Variants in ALDH3A1 observed in about 807,000 individuals in gnomAD.
ALDH3A1 encodes aldehyde dehydrogenase 3 family member A1.
In ALDH3A1, 46 loss-of-function variants were observed where a neutral mutation model predicts 49.9. The observed-to-expected ratio is 0.92, with a 90% confidence interval of 0.73 to 1.18. ALDH3A1 has a LOEUF of 1.18. Among genes scored for constraint, ALDH3A1 ranks in the 50% most tolerant of loss-of-function variants. The pLI, the probability that ALDH3A1 is intolerant of heterozygous loss-of-function variation, is 0.00. For missense variants in ALDH3A1, 592 were observed against 611.8 expected (o/e 0.97, Z 0.34); for synonymous variants, 269 against 253.3 (o/e 1.06, Z -0.59).
rs79994225 is a variant in ALDH3A1, at chr17:19,743,689, C to T, written c.163-226G>A. 6 of 985,096 alleles carry T rather than the reference C, an allele frequency of 6.1e-6. No homozygotes were observed. The highest frequency in any genetic ancestry group is 4.7e-5 in the South Asian group (1 of 21,268). 61.0% of individuals were successfully genotyped at this position (985,096 alleles called of 1,614,324 possible). A position where few individuals can be genotyped will look rare whatever the true frequency, so the allele number is the denominator to read the frequency against. On this transcript the variant is annotated intron_variant, in intron 2 of 10. Transcript: ENST00000225740. The surrounding 1 kb of genome is among the most constrained non-coding windows in gnomAD (Gnocchi z 4.4). ...CCAGAGGGGGGCCCAGGTAGGTTTG[C>T]GGCCCCAGGGGAGAGAGCCGGTGAA...
Position 19,743,137 on chromosome 17 carries a change from C to T in ALDH3A1, c.394+95G>A, listed in dbSNP as rs765049018. The T allele has an allele frequency of 1.9e-6, 3 of 1,558,758 alleles. No individual in the cohort carries two copies. The highest frequency in any genetic ancestry group is 1.4e-5 in the African/African-American group (1 of 73,742). On this transcript the variant is annotated intron_variant, in intron 3 of 10. Transcript: ENST00000225740. This position sits in a 1 kb window ranked among gnomAD's most constrained non-coding sequence, Gnocchi z 4.4. ...CAGACCCAGCAAACCCTTATCTGAC[C>T]CCAGGACTCTTAACACAGGCCTGAG...
chr17:19,743,256 G>A lies in ALDH3A1; in HGVS notation c.370C>T (p.Pro124Ser), dbSNP rs1207782528. ...CCTGCAGCGATGGCGCCCACCATGGGCTGGATGGTGAGGTTGAAGGGGTAG... is the reference window on the plus strand; with the variant it reads ...CCTGCAGCGATGGCGCCCACCATGGACTGGATGGTGAGGTTGAAGGGGTAG... ...WNYPFNLTIQ[P>S]MVGAIAAGNS... The change falls in exon 3 of 11, where the codon CCC becomes TCC. Residue 124 changes from proline (P) to serine (S), a missense_variant. Transcript: ENST00000225740. This position sits in a 1 kb window ranked among gnomAD's most constrained non-coding sequence, Gnocchi z 4.4. 4 of 1,613,924 alleles carry A rather than the reference G, an allele frequency of 2.5e-6. No individual in the cohort carries two copies. The South Asian group carries it at 4.4e-5, about 18-fold the overall frequency.
At chr17:19,744,218 A>G in intron 2 of ALDH3A1, 3 of 741,686 alleles carry the variant, frequency 4.0e-6, no homozygotes, top group Non-Finnish European at 4.9e-6. Context: ...AGCCTGTCCA[A>G]CATGGCGAAA....
In ALDH3A1 at chr17:19,738,009, G is replaced by A. The variant is rs112263426; in HGVS notation, c.*212C>T. 4.7e-4 allele frequency: 705 copies of A among 1,484,312 alleles called. 5 individuals carry two copies. The African/African-American group carries it at 7.6e-3, about 16-fold the overall frequency. 91.9% of individuals were successfully genotyped at this position (1,484,312 alleles called of 1,614,324 possible). A position where few individuals can be genotyped will look rare whatever the true frequency, so the allele number is the denominator to read the frequency against. The stretch of plus-strand genomic sequence containing the variant: ...TTTGCTGAGTTAGAAAATTGTATTC[G>A]TCTCTTTATTGGTCTAGAAAGGGGT... On this transcript the variant is annotated 3_prime_UTR_variant, in exon 11 of 11. Transcript: ENST00000225740.
chr17:19,741,095 T>C lies in ALDH3A1; in HGVS notation c.805A>G (p.Lys269Glu). Residue 269 changes from lysine (K) to glutamate (E), a missense_variant and splice_region_variant, in exon 6 of 11, where the codon AAA (lysine) becomes GAA (glutamate). By Grantham distance (56) the Lys-to-Glu change is moderately conservative. Transcript: ENST00000225740. ...CCTGCCAAGGGGTCAACACTCACTT[T>C]CAGTGACTTCTTGAGCTTCTCCACA... ...QIVEKLKKSL[K>E]EFYGEDAKKS... 6.2e-7 allele frequency: 1 copy of C among 1,613,096 alleles called. No homozygotes were observed. Among genetic ancestry groups the C allele is most frequent in the Non-Finnish European group, 8.5e-7 (1 of 1,179,032 alleles).
At position 19,741,208 on chromosome 17, in the gene ALDH3A1, C is replaced by A. The variant is rs145505711; in HGVS notation, c.692G>T (p.Arg231Leu). ...GTTCATGAATTTCCCCCAGGCGATG[C>A]GTCTGTGAGAATCCCAGACTGGACT... Reference protein sequence around the residue: ...KNCDLDVACRRIAWGKFMNSG... With the variant: ...KNCDLDVACRLIAWGKFMNSG... Residue 231 changes from arginine (R) to leucine (L), a missense_variant and splice_region_variant, in exon 6 of 11, where the codon CGC (arginine) becomes CTC (leucine). By Grantham distance (102) the Arg-to-Leu change is moderately radical. Coordinates refer to ENST00000225740, the MANE Select transcript of ALDH3A1 (RefSeq NM_000691.5). 5.0e-6 allele frequency: 8 copies of A among 1,613,118 alleles called. No individual in the cohort carries two copies. Among genetic ancestry groups the A allele is most frequent in the African/African-American group, 2.7e-5 (2 of 74,896 alleles).
chr17:19,739,386 G>A (rs895975183), intron 8 of ALDH3A1, 122 bp downstream of exon 8: 5 of 1,200,152 alleles, frequency 4.2e-6, no homozygotes, highest in Non-Finnish European at 5.8e-6. Context: ...GGTGAAAGGA[G>A]CTCAGAAAGA....
intron 3 of ALDH3A1, chr17:19,742,930 G>A: frequency 2.0e-6 from 3 of 1,525,120 alleles, no homozygotes; most frequent in Non-Finnish European, 1.8e-6. Context: ...TGGTAGAACA[G>A]CGCTGGCCCA....
rs759203617 is a variant in ALDH3A1 at position 19,743,210 on chromosome 17, C to T, written c.394+22G>A. On this transcript the variant is annotated intron_variant, in intron 3 of 10. Coordinates refer to ENST00000225740, the MANE Select transcript of ALDH3A1 (RefSeq NM_000691.5). This position sits in a 1 kb window ranked among gnomAD's most constrained non-coding sequence, Gnocchi z 4.4. ...CTGGGGGACGGTGCTCCCCCAGCTTCCCTTCCCACAGGGCCATGCACCTGC... is the reference window on the plus strand; with the variant it reads ...CTGGGGGACGGTGCTCCCCCAGCTTTCCTTCCCACAGGGCCATGCACCTGC... 6.2e-6 allele frequency: 10 copies of T among 1,612,730 alleles called. No individual in the cohort carries two copies. In the African/African-American group the frequency reaches 1.2e-4, roughly 19 times the overall value.
intron 8 of ALDH3A1, 94 bp downstream of exon 8, chr17:19,739,414 G>A (rs1486235910): frequency 7.0e-7 from 1 of 1,424,030 alleles, no homozygotes; most frequent in Non-Finnish European, 9.5e-7. Flanking sequence ...ACTTGCCCAA[G>A]GTCACACAGC....
chr17:19,744,687 G>C, intron 2 of ALDH3A1: 14 of 1,324,650 alleles, frequency 1.1e-5, no homozygotes, highest in Non-Finnish European at 1.3e-5. Flanking sequence ...GGGAGGACCA[G>C]AAGTTCAGGG....
At chr17:19,738,883 C>T in intron 9 of ALDH3A1, 113 bp downstream of exon 9, 1 of 880,146 alleles carries the variant, frequency 1.1e-6, no homozygotes, top group Non-Finnish European at 1.8e-6. Context: ...ATGGAAGAGG[C>T]TAATGGGAGG....
chr17:19,743,547 C>T lies in ALDH3A1; in HGVS notation c.163-84G>A. ...AGTGGGGAGCCCCACTGCTCAGCTG[C>T]CAGGGTGATGGGGGTCACTCACCCA... On this transcript the variant is annotated intron_variant, in intron 2 of 10. Coordinates refer to ENST00000225740, the MANE Select transcript of ALDH3A1 (RefSeq NM_000691.5). The surrounding 1 kb of genome is among the most constrained non-coding windows in gnomAD (Gnocchi z 4.4). 1 of 1,507,760 alleles carries T rather than the reference C, an allele frequency of 6.6e-7. No homozygotes were observed. Among genetic ancestry groups the T allele is most frequent in the Non-Finnish European group, 8.8e-7 (1 of 1,131,476 alleles). 93.4% of individuals were successfully genotyped at this position (1,507,760 alleles called of 1,614,324 possible). A position where few individuals can be genotyped will look rare whatever the true frequency, so the allele number is the denominator to read the frequency against.
intron 2 of ALDH3A1, chr17:19,744,653 G>A: frequency 2.0e-6 from 2 of 985,406 alleles, no homozygotes; most frequent in Non-Finnish European, 2.4e-6. Flanking sequence ...AGAACCAAGT[G>A]GTCCTGCGTG....
In ALDH3A1 at chr17:19,744,901, G is replaced by GCCGCCCCCCCCC. The variant is rs1555546867; in HGVS notation, c.162+66_162+67insGGGGGGGGGCGG. 3 of 437,682 alleles carry GCCGCCCCCCCCC rather than the reference G, an allele frequency of 6.9e-6. No individual in the cohort carries two copies. The African/African-American group carries it at 1.0e-4, about 15-fold the overall frequency. The allele number at this position is 437,682 out of a possible 1,614,324, so 27.1% of individuals were successfully genotyped here. A position where few individuals can be genotyped will look rare whatever the true frequency, so the allele number is the denominator to read the frequency against. On this transcript the variant is annotated intron_variant, in intron 2 of 10. Transcript: ENST00000225740. Reference sequence around the variant, plus strand: ...ACCTCTCTGGGTCGCACTCTCCCCAGCCCCTCCCCCCACGCCCCATCGCAT... The same window carrying GCCGCCCCCCCCC: ...ACCTCTCTGGGTCGCACTCTCCCCAGCCGCCCCCCCCCCCCCTCCCCCCACGCCCCATCGCAT...
intron 1 of ALDH3A1, among the ~76,000 whole-genome samples, chr17:19,746,700 C>T (rs1035106395): frequency 6.9e-5 from 10 of 144,616 alleles, no homozygotes; most frequent in East Asian, 4.1e-4. Context: ...TGTGTGCGTG[C>T]GTGTGTGTGC....
chr17:19,739,459 C>G (rs748398774), intron 8 of ALDH3A1, 49 bp downstream of exon 8: 9 of 1,572,116 alleles, frequency 5.7e-6, no homozygotes, highest in Non-Finnish European at 7.8e-6. Flanking sequence ...GAACCCAGGT[C>G]TGTGGGCCCC....
Position 19,741,120 on chromosome 17 carries a change from A to G in ALDH3A1, c.780T>C (p.Ile260=). ...TCAGTGACTTCTTGAGCTTCTCCACAATTTGGTTCTGGATCGAGGGGTCAC... is the reference window on the plus strand; with the variant it reads ...TCAGTGACTTCTTGAGCTTCTCCACGATTTGGTTCTGGATCGAGGGGTCAC... ...ILCDPSIQNQ[I]VEKLKKSLKE... The change falls in exon 6 of 11, where the codon ATT becomes ATC. Residue 260 remains isoleucine (I), a synonymous_variant. Coordinates refer to ENST00000225740, the MANE Select transcript of ALDH3A1 (RefSeq NM_000691.5). 2 of 1,614,040 alleles carry G rather than the reference A, an allele frequency of 1.2e-6. No homozygotes were observed. The highest frequency in any genetic ancestry group is 1.7e-6 in the Non-Finnish European group (2 of 1,179,932).
intron 1 of ALDH3A1, among the ~76,000 whole-genome samples, chr17:19,746,611 A>ATGTGTGTGTGTGTGTG (rs58134999): frequency 5.3e-5 from 8 of 150,422 alleles, no homozygotes; most frequent in Non-Finnish European, 1.0e-4. Context: ...AGGCGTGTGC[A>ATGTGTGTGTGTGTGTG]TGTGTGTGTG....
Sources: allele counts gnomAD v4.1 joint callset (sites outside exome capture counted in the v4.1 genomes callset), GRCh38; gene constraint gnomAD v4.1.1; non-coding constraint Gnocchi (gnomAD v3.1); transcripts MANE v1.5; gene names NCBI Gene and HGNC (gene_info 2026-07-23, HGNC 2026-07-21).